Variants in PCNX1 observed in about 807,000 individuals in gnomAD.
The protein encoded by PCNX1 is pecanex 1.
PCNX1 carries 78 observed loss-of-function variants against 242.2 expected under a neutral mutation model. That is an observed-to-expected ratio of 0.32 (90% confidence interval 0.27 to 0.39). PCNX1 has a LOEUF of 0.39. Among genes scored for constraint, PCNX1 ranks in the 10% least tolerant of loss-of-function variants. The pLI, the probability that PCNX1 is intolerant of heterozygous loss-of-function variation, is 1.00. For synonymous variants in PCNX1, 1,024 were observed against 1,032.9 expected, an observed-to-expected ratio of 0.99 and a Z score of 0.17; for missense variants, 2,581 against 2,856.5, an observed-to-expected ratio of 0.90 and a Z score of 2.20.
intron 7 of PCNX1, among the ~76,000 whole-genome samples, chr14:70,990,490 A>G (rs1434428160): frequency 6.6e-6 from 1 of 151,872 alleles, no homozygotes; most frequent in East Asian, 1.9e-4. Flanking sequence ...GCCTGAACCC[A>G]GGAGGTGGAG....
intron 8 of PCNX1, 83 bp downstream of exon 8, chr14:70,996,008 A>G (rs2059340277): frequency 5.7e-6 from 6 of 1,057,800 alleles, no homozygotes; most frequent in African/African-American, 4.7e-5. Context: ...CTTTTTTGAG[A>G]TAGTTTCATT....
At chr14:71,027,069 C>A in intron 15 of PCNX1, 187 bp downstream of exon 15, 1 of 458,204 alleles carries the variant, frequency 2.2e-6, no homozygotes, top group South Asian at 3.5e-5. Context: ...GTCAAGTCTG[C>A]TACTTTAGAG....
intron 12 of PCNX1, among the ~76,000 whole-genome samples, 189 bp from the exon 13 acceptor site, chr14:71,023,011 T>C (rs561403733): frequency 2.0e-5 from 3 of 152,092 alleles, no homozygotes; most frequent in East Asian, 1.9e-4. Flanking sequence ...AGATTTGATA[T>C]GTTTTTAATA....
chr14:70,923,536 A>G (rs1302026136), intron 1 of PCNX1, among the ~76,000 whole-genome samples: 1 of 152,124 alleles, frequency 6.6e-6, no homozygotes, highest in Non-Finnish European at 1.5e-5. Flanking sequence ...CCTGTTGTCC[A>G]CTCGTGTACC....
intron 15 of PCNX1, 183 bp downstream of exon 15, chr14:71,027,065 T>G (rs1404757243): frequency 4.3e-6 from 2 of 465,740 alleles, no homozygotes; most frequent in African/African-American, 4.0e-5. Flanking sequence ...AATAGTCAAG[T>G]CTGCTACTTT....
At chr14:71,022,704 A>C (rs1451799978) in intron 12 of PCNX1, among the ~76,000 whole-genome samples, 1 of 152,216 alleles carries the variant, frequency 6.6e-6, no homozygotes, top group Non-Finnish European at 1.5e-5. Context: ...GATTATTTTG[A>C]TATGAAAATG....
At chr14:71,089,035 G>T (rs1326126017) in intron 29 of PCNX1, among the ~76,000 whole-genome samples, 157 bp from the exon 30 acceptor site, 1 of 152,170 alleles carries the variant, frequency 6.6e-6, no homozygotes, top group Non-Finnish European at 1.5e-5. Context: ...GACAGGCCCT[G>T]TCTCTTGTGA....
chr14:71,056,754 C>T (rs2061192616), intron 25 of PCNX1, among the ~76,000 whole-genome samples: 1 of 152,136 alleles, frequency 6.6e-6, no homozygotes, highest in South Asian at 2.1e-4. Context: ...TCACAGCTCA[C>T]TGCAACCTCC....
chr14:71,033,274 T>C (rs2060440875), intron 16 of PCNX1, among the ~76,000 whole-genome samples, 155 bp from the exon 17 acceptor site: 1 of 152,242 alleles, frequency 6.6e-6, no homozygotes, highest in Non-Finnish European at 1.5e-5. Context: ...GTAATAAATC[T>C]AAATTTTTCT....
intron 19 of PCNX1, among the ~76,000 whole-genome samples, chr14:71,044,135 A>G (rs2060791509): frequency 2.0e-5 from 3 of 152,156 alleles, no homozygotes; most frequent in Non-Finnish European, 2.9e-5. Flanking sequence ...CTTAGGCTGC[A>G]TTTGTTAATA....
chr14:71,095,188 G>A (rs1462059935), intron 30 of PCNX1, among the ~76,000 whole-genome samples: 1 of 151,848 alleles, frequency 6.6e-6, no homozygotes, highest in African/African-American at 2.4e-5. Context: ...TACTCTTTGA[G>A]GATTACATAG....
chr14:70,970,600 C>A (rs898214162), intron 5 of PCNX1, among the ~76,000 whole-genome samples: 1 of 152,130 alleles, frequency 6.6e-6, no homozygotes, highest in African/African-American at 2.4e-5. Flanking sequence ...CACGAATCTA[C>A]CCTTGCAACT....
Position 70,947,085 on chromosome 14 carries a change from C to T in PCNX1, c.324C>T (p.Gly108=). ...ATCAGCGAACCAAAGCTGAACAAGG[C>T]AACTGTTCAACCAGGAGAAAAGACA... ...FTDQRTKAEQ[G]NCSTRRKDSN... The change falls in exon 2 of 36, where the codon GGC becomes GGT. Residue 108 remains glycine, a synonymous_variant. Coordinates refer to ENST00000304743, the MANE Select transcript of PCNX1 (RefSeq NM_014982.3). 1.2e-6 allele frequency: 2 copies of T among 1,612,716 alleles called. No individual in the cohort carries two copies.
chr14:70,941,344 C>G, intron 1 of PCNX1, among the ~76,000 whole-genome samples: 1 of 152,084 alleles, frequency 6.6e-6, no homozygotes. Flanking sequence ...AGTTTTCCTT[C>G]TAACAGTCAG....
intron 8 of PCNX1, among the ~76,000 whole-genome samples, chr14:71,008,239 G>T (rs2059720220): frequency 6.6e-6 from 1 of 152,110 alleles, no homozygotes; most frequent in Non-Finnish European, 1.5e-5. Context: ...ACATTATGGA[G>T]TCCTTTTATT....
intron 7 of PCNX1, among the ~76,000 whole-genome samples, chr14:70,991,287 C>G (rs1432532641): frequency 2.0e-5 from 3 of 151,386 alleles, no homozygotes; most frequent in African/African-American, 2.4e-5. Flanking sequence ...TCACTGCAAC[C>G]TCCGCCTCCT....
At chr14:71,030,336 T>C (rs760999978) in intron 16 of PCNX1, among the ~76,000 whole-genome samples, 30 of 152,262 alleles carry the variant, frequency 2.0e-4, no homozygotes, top group Non-Finnish European at 4.1e-4. Flanking sequence ...TGACTTCCTT[T>C]CTTTCTTTTT....
rs1316337624 is a variant in PCNX1 at position 70,949,231 on chromosome 14, ATG to A, written c.362+2112_362+2113del. Among the ~76,000 whole-genome samples, 497 of 144,286 alleles carry A rather than the reference ATG, an allele frequency of 3.4e-3. 4 individuals are homozygous for A. Among genetic ancestry groups the A allele is most frequent in the Middle Eastern group, 0.023 (6 of 266 alleles). The allele number at this position is 144,286 out of a possible 152,430, so 94.7% of individuals were successfully genotyped here. ...TACACATGTATATATAGATATATGT[ATG>A]TGTATATACACACGTGTATACACAC... On this transcript the variant is annotated intron_variant, in intron 2 of 35. Transcript: ENST00000304743.
intron 2 of PCNX1, among the ~76,000 whole-genome samples, chr14:70,958,771 C>T (rs1448860319): frequency 6.6e-6 from 1 of 151,936 alleles, no homozygotes; most frequent in Non-Finnish European, 1.5e-5. Flanking sequence ...TCTCAATGAC[C>T]AGAACAATGG....
Sources: allele counts gnomAD v4.1 joint callset (sites outside exome capture counted in the v4.1 genomes callset), GRCh38; gene constraint gnomAD v4.1.1; transcripts MANE v1.5; gene names NCBI Gene and HGNC (gene_info 2026-07-23, HGNC 2026-07-21).